Variants in LARS2 observed in about 807,000 individuals in gnomAD.
LARS2 encodes leucine--tRNA ligase, mitochondrial.
Under a neutral mutation model 116.6 loss-of-function variants are expected in LARS2, and 81 were observed. The ratio of observed to expected loss-of-function variants is 0.69; its 90% CI spans 0.58 to 0.84. The LOEUF is 0.84. Ranked by LOEUF, LARS2 falls within the 40% of genes least tolerant of loss-of-function variation. LARS2 has a pLI of 0.00. For synonymous variants in LARS2, 396 were observed against 407.2 expected, an observed-to-expected ratio of 0.97 and a Z score of 0.33; for missense variants, 968 against 1,114.5, an observed-to-expected ratio of 0.87 and a Z score of 1.87.
intron 10 of LARS2, among the ~76,000 whole-genome samples, chr3:45,481,661 C>T (rs1438495086): frequency 6.6e-6 from 1 of 152,074 alleles, no homozygotes; most frequent in Non-Finnish European, 1.5e-5. Flanking sequence ...GTTCAGTTCT[C>T]TTGCCCCTTT....
At chr3:45,392,439 T>G (rs771868235) in intron 2 of LARS2, among the ~76,000 whole-genome samples, 6 of 151,826 alleles carry the variant, frequency 4.0e-5, no homozygotes, top group Non-Finnish European at 7.4e-5. Flanking sequence ...GGATTACAGA[T>G]GCACGTCACC....
At chr3:45,462,419 CAAA>C (rs5848744) in intron 8 of LARS2, among the ~76,000 whole-genome samples, 5 of 148,166 alleles carry the variant, frequency 3.4e-5, no homozygotes, top group Non-Finnish European at 4.4e-5. Flanking sequence ...CAATTTCTAC[CAAA>C]AAAAAAAAAA....
chr3:45,518,745 G>T (rs1700409108), intron 18 of LARS2, among the ~76,000 whole-genome samples: 1 of 152,012 alleles, frequency 6.6e-6, no homozygotes, highest in South Asian at 2.1e-4. Flanking sequence ...AAAAAAAAAA[G>T]TTATGCTGAT....
chr3:45,511,771 A>ATT lies in LARS2; in HGVS notation c.1761-1342_1761-1341dup, dbSNP rs67171643. ...CCCTTCTTGAGGCTTAATGCTGCTG[A>ATT]TTTTTTTTTTTTTTTTTTTTTTTGG... is the stretch of plus-strand genomic sequence containing the variant. On this transcript the variant is annotated intron_variant, in intron 15 of 21. Coordinates refer to ENST00000645846, the MANE Select transcript of LARS2 (RefSeq NM_015340.4). Among the ~76,000 whole-genome samples the ATT allele has an allele frequency of 9.8e-3, 847 of 86,648 alleles. 10 individuals carry two copies. Among genetic ancestry groups the ATT allele is most frequent in the African/African-American group, 0.026 (593 of 22,834 alleles). 56.8% of individuals were successfully genotyped at this position (86,648 alleles called of 152,430 possible). A position where few individuals can be genotyped will look rare whatever the true frequency, so the allele number is the denominator to read the frequency against.
intron 4 of LARS2, among the ~76,000 whole-genome samples, chr3:45,411,990 T>A (rs2125682541): frequency 6.6e-6 from 1 of 152,350 alleles, no homozygotes; most frequent in African/African-American, 2.4e-5. Context: ...GGCCTCCAGC[T>A]CCATCCATGT....
At chr3:45,395,943 T>C (rs2125672862) in intron 3 of LARS2, among the ~76,000 whole-genome samples, 1 of 152,372 alleles carries the variant, frequency 6.6e-6, no homozygotes, top group Middle Eastern at 3.4e-3. Context: ...AAAGCCCTTG[T>C]GTCAACATCA....
intron 20 of LARS2, among the ~76,000 whole-genome samples, chr3:45,529,336 G>A (rs1347007731): frequency 1.3e-5 from 2 of 152,074 alleles, no homozygotes; most frequent in African/African-American, 2.4e-5. Context: ...GGAGGCTGAG[G>A]TGGGCTGATC....
intron 20 of LARS2, among the ~76,000 whole-genome samples, chr3:45,527,496 C>A (rs1267493406): frequency 6.6e-6 from 1 of 152,006 alleles, no homozygotes; most frequent in Non-Finnish European, 1.5e-5. Context: ...TGGTGGCGGG[C>A]ACCTGTAGTC....
chr3:45,429,772 G>C (rs1022362435), intron 6 of LARS2, among the ~76,000 whole-genome samples: 4 of 139,480 alleles, frequency 2.9e-5, no homozygotes, highest in Non-Finnish European at 4.5e-5. Flanking sequence ...TGCGATCTCA[G>C]CTAACTACAA....
chr3:45,498,422 T>A (rs1405792225), intron 14 of LARS2, among the ~76,000 whole-genome samples: 1 of 152,244 alleles, frequency 6.6e-6, no homozygotes, highest in Non-Finnish European at 1.5e-5. Context: ...TCCTTTCTTT[T>A]CTGTCGCCTG....
At chr3:45,401,796 T>G (rs1342559283) in intron 4 of LARS2, among the ~76,000 whole-genome samples, 1 of 152,056 alleles carries the variant, frequency 6.6e-6, no homozygotes, top group Non-Finnish European at 1.5e-5. Flanking sequence ...TTGTAATTTT[T>G]GTAGAGACAG....
At chr3:45,446,805 T>C (rs749481577) in intron 6 of LARS2, 86 bp from the exon 7 acceptor site, 19 of 728,292 alleles carry the variant, frequency 2.6e-5, no homozygotes, top group Non-Finnish European at 4.1e-5. Context: ...TTCATTACTT[T>C]TCAAAATTCA....
At position 45,547,266 on chromosome 3, in the gene LARS2, C is replaced by G. The variant is rs577038160; in HGVS notation, c.2533-85C>G. On this transcript the variant is annotated intron_variant, in intron 21 of 21. Transcript: ENST00000645846. The stretch of plus-strand genomic sequence containing the variant: ...TCCCCTAAACAAATGCAGCCATGCC[C>G]TTTACAGGCAGGAGGTTTGGTATTG... The G allele has an allele frequency of 5.4e-4, 673 of 1,254,006 alleles. 2 individuals are homozygous for G. In the African/African-American group the frequency reaches 9.1e-3, roughly 17 times the overall value. 77.7% of individuals were successfully genotyped at this position (1,254,006 alleles called of 1,614,324 possible).
intron 12 of LARS2, among the ~76,000 whole-genome samples, chr3:45,489,727 G>A (rs1229955833): frequency 1.3e-5 from 2 of 152,154 alleles, no homozygotes; most frequent in African/African-American, 4.8e-5. Flanking sequence ...CTGCACATTG[G>A]AAACACCTGA....
intron 18 of LARS2, 89 bp from the exon 19 acceptor site, chr3:45,520,130 T>G: frequency 1.2e-6 from 1 of 854,198 alleles, no homozygotes; most frequent in Non-Finnish European, 2.0e-6. Context: ...CCATTCATTT[T>G]CCTTTTTTTT....
chr3:45,476,533 C>T lies in LARS2; in HGVS notation c.924C>T (p.Gly308=). The change falls in exon 10 of 22, where the codon GGC becomes GGT. Residue 308 remains glycine, a synonymous_variant. Coordinates refer to ENST00000645846, the MANE Select transcript of LARS2 (RefSeq NM_015340.4). Reference sequence around the variant, plus strand: ...CGGCCACCCCTGAAGCCATTTATGGCACCTCCCACGTGGCCATCTCGCCCA... The same window carrying T: ...CGGCCACCCCTGAAGCCATTTATGGTACCTCCCACGTGGCCATCTCGCCCA... ...AYTATPEAIY[G]TSHVAISPSH... is the part of the protein sequence containing the mutation. The T allele has an allele frequency of 6.2e-7, 1 of 1,614,214 alleles. No individual in the cohort carries two copies. The highest frequency in any genetic ancestry group is 8.5e-7 in the Non-Finnish European group (1 of 1,180,006).
intron 6 of LARS2, among the ~76,000 whole-genome samples, chr3:45,446,368 C>G (rs1250307349): frequency 6.6e-6 from 1 of 152,120 alleles, no homozygotes; most frequent in Non-Finnish European, 1.5e-5. Flanking sequence ...AAGTAAACAA[C>G]AGCCTGATTC....
chr3:45,454,604 A>G (rs1699184825), intron 7 of LARS2, among the ~76,000 whole-genome samples: 1 of 152,210 alleles, frequency 6.6e-6, no homozygotes, highest in African/African-American at 2.4e-5. Flanking sequence ...TATTTTACAA[A>G]TAAGGCTAGT....
In LARS2 at chr3:45,548,589, A is replaced by G; in HGVS notation, c.*1059A>G. Reference sequence around the variant, plus strand: ...AGATGGCCAGGAATGGACTCATACCATTGGCACATTAGGCTAATCCTGGTT... The same window carrying G: ...AGATGGCCAGGAATGGACTCATACCGTTGGCACATTAGGCTAATCCTGGTT... On this transcript the variant is annotated 3_prime_UTR_variant, in exon 22 of 22. Coordinates refer to ENST00000645846, the MANE Select transcript of LARS2 (RefSeq NM_015340.4). 6.6e-6 allele frequency: 1 copy of G among 152,256 alleles called. No homozygotes were observed. The highest frequency in any genetic ancestry group is 2.1e-4 in the South Asian group (1 of 4,836). 9.4% of individuals were successfully genotyped at this position (152,256 alleles called of 1,614,324 possible).
Sources: allele counts gnomAD v4.1 joint callset (sites outside exome capture counted in the v4.1 genomes callset), GRCh38; gene constraint gnomAD v4.1.1; transcripts MANE v1.5; gene names NCBI Gene and HGNC (gene_info 2026-07-23, HGNC 2026-07-21).